Variants in ESRP1 observed in about 807,000 individuals in gnomAD.
ESRP1 encodes the protein epithelial splicing regulatory protein 1.
A neutral mutation model predicts 81.7 loss-of-function variants in ESRP1; 33 were observed. The observed-to-expected ratio is 0.40, with a 90% CI of 0.31 to 0.54. The LOEUF is 0.54. Among genes scored for constraint, ESRP1 ranks in the 20% least tolerant of loss-of-function variants. The probability of loss-of-function intolerance (pLI) is 0.41; values close to 1 mark genes in which losing one functional copy is unlikely to be tolerated. For missense variants in ESRP1, 672 were observed against 833.1 expected, an observed-to-expected ratio of 0.81 and a Z score of 2.38; for synonymous variants, 320 against 303.3, an observed-to-expected ratio of 1.06 and a Z score of -0.57.
chr8:94,663,021 ATTAC>A (rs1229098606), intron 6 of ESRP1, among the ~76,000 whole-genome samples: 2 of 152,162 alleles, frequency 1.3e-5, no homozygotes, highest in African/African-American at 4.8e-5. Flanking sequence ...AGAAGGTTGT[ATTAC>A]TTAGAGCTTG....
chr8:94,695,348 C>CT (rs1177357708), intron 14 of ESRP1, among the ~76,000 whole-genome samples: 19,919 of 61,016 alleles, frequency 0.33, 4,281 homozygotes, highest in South Asian at 0.54. Context: ...CTTTTTCTTT[C>CT]TTTTTTTTTT....
chr8:94,642,279 C>T (rs1388926578), intron 2 of ESRP1, among the ~76,000 whole-genome samples, 195 bp downstream of exon 2: 1 of 152,234 alleles, frequency 6.6e-6, no homozygotes, highest in African/African-American at 2.4e-5. Flanking sequence ...CATCTCCCAG[C>T]CCCCAGGGTT....
chr8:94,693,810 G>A (rs1170309494), intron 14 of ESRP1, among the ~76,000 whole-genome samples: 2 of 152,182 alleles, frequency 1.3e-5, no homozygotes, highest in Admixed American at 1.3e-4. Flanking sequence ...GGAGGACTGT[G>A]ATCTCAGCTA....
At chr8:94,653,701 A>G (rs1042289562) in intron 4 of ESRP1, among the ~76,000 whole-genome samples, 8 of 152,220 alleles carry the variant, frequency 5.3e-5, no homozygotes, top group Admixed American at 5.2e-4. Flanking sequence ...TCTAACAGTG[A>G]AATGAGCTGG....
intron 4 of ESRP1, 115 bp from the exon 5 acceptor site, chr8:94,662,156 TA>T: frequency 1.6e-6 from 1 of 630,838 alleles, no homozygotes; most frequent in Non-Finnish European, 2.7e-6. Context: ...CTGAGATTTC[TA>T]AAGGAAGCTC....
chr8:94,662,832 T>A (rs1478909041), intron 6 of ESRP1, among the ~76,000 whole-genome samples: 1 of 152,146 alleles, frequency 6.6e-6, no homozygotes, highest in Non-Finnish European at 1.5e-5. Flanking sequence ...ATGGTCTCAA[T>A]CTCCTGACCT....
At chr8:94,662,208 A>T in intron 4 of ESRP1, 64 bp from the exon 5 acceptor site, 1 of 1,044,606 alleles carries the variant, frequency 9.6e-7, no homozygotes, top group Non-Finnish European at 1.4e-6. Flanking sequence ...GTATAGGTTT[A>T]ATTTTGATTT....
chr8:94,673,626 C>T (rs1819441958), intron 11 of ESRP1, among the ~76,000 whole-genome samples: 2 of 152,204 alleles, frequency 1.3e-5, no homozygotes, highest in African/African-American at 4.8e-5. Context: ...GGGGTTTTAG[C>T]AAGCTATTAC....
At chr8:94,671,733 A>C in intron 11 of ESRP1, 62 bp downstream of exon 11, 2 of 1,098,198 alleles carry the variant, frequency 1.8e-6, no homozygotes, top group Non-Finnish European at 2.6e-6. Flanking sequence ...AGAAATATCT[A>C]ATATTAGATA....
chr8:94,641,698 C>G (rs1433421078), intron 1 of ESRP1: 2 of 715,074 alleles, frequency 2.8e-6, no homozygotes, highest in Non-Finnish European at 4.3e-6. Context: ...GTTCTTTGCC[C>G]GTCGGGGGAC....
At chr8:94,704,783 A>C (rs1163799946) in intron 15 of ESRP1, among the ~76,000 whole-genome samples, 1 of 151,072 alleles carries the variant, frequency 6.6e-6, no homozygotes, top group Non-Finnish European at 1.5e-5. Context: ...AAAAAAAAAA[A>C]AAAAAAAAAA....
Position 94,641,988 on chromosome 8 carries a change from G to T in ESRP1, c.165G>T (p.Pro55=). 6.2e-7 allele frequency: 1 copy of T among 1,614,000 alleles called. No individual in the cohort carries two copies. The highest frequency in any genetic ancestry group is 1.3e-5 in the African/African-American group (1 of 75,070). ...AGTTGCACGAAGTGCTAGTTAGACC[G>T]GATCAGTTGGAACTGACGGAGGACT... ...VGQLHEVLVR[P]DQLELTEDCK... The change falls in exon 2 of 16, where the codon CCG becomes CCT. Residue 55 remains proline (P), a synonymous_variant. Transcript: ENST00000433389.
intron 3 of ESRP1, among the ~76,000 whole-genome samples, chr8:94,643,855 G>A (rs1274618742): frequency 1.3e-5 from 2 of 152,100 alleles, no homozygotes; most frequent in Non-Finnish European, 2.9e-5. Context: ...ATCCTCATTT[G>A]TGTTGGAAAT....
chr8:94,700,639 T>G (rs1020566346), intron 15 of ESRP1, among the ~76,000 whole-genome samples: 1 of 152,216 alleles, frequency 6.6e-6, no homozygotes, highest in African/African-American at 2.4e-5. Flanking sequence ...TTTAAAAATA[T>G]GTTAAGAGGG....
At position 94,667,962 on chromosome 8, in the gene ESRP1, G is replaced by A. The variant is rs778325703; in HGVS notation, c.945G>A (p.Glu315=). The A allele has an allele frequency of 7.5e-6, 12 of 1,597,786 alleles. No homozygotes were observed. The highest frequency in any genetic ancestry group is 1.7e-4 in the Middle Eastern group (1 of 5,970). The part of the protein sequence containing the change: ...FLKIAGGTSN[E]VAQFLSKENQ... ...TGTTTTCCCTAGGTACTTCCAATGAGGTAGCCCAGTTTCTCTCCAAGGAAA... is the reference window on the plus strand; with the variant it reads ...TGTTTTCCCTAGGTACTTCCAATGAAGTAGCCCAGTTTCTCTCCAAGGAAA... Residue 315 remains glutamate (E), a synonymous_variant, in exon 10 of 16, where the codon GAG becomes GAA. Transcript: ENST00000433389.
At chr8:94,683,007 C>T (rs1169920953) in intron 13 of ESRP1, among the ~76,000 whole-genome samples, 1 of 121,332 alleles carries the variant, frequency 8.2e-6, no homozygotes, top group African/African-American at 3.2e-5. Context: ...TGCAGTGGCA[C>T]AATCTCAGCT....
intron 4 of ESRP1, among the ~76,000 whole-genome samples, chr8:94,650,856 C>T (rs1358671245): frequency 1.3e-5 from 2 of 152,014 alleles, no homozygotes; most frequent in Admixed American, 6.6e-5. Context: ...GGACTACAGG[C>T]GCCCGCCCAT....
intron 4 of ESRP1, among the ~76,000 whole-genome samples, chr8:94,657,081 GTC>G (rs1202083339): frequency 6.6e-6 from 1 of 152,166 alleles, no homozygotes; most frequent in African/African-American, 2.4e-5. Context: ...TATAGACCAA[GTC>G]TCTCTAGACT....
At chr8:94,662,068 C>T (rs374847987) in intron 4 of ESRP1, among the ~76,000 whole-genome samples, 1 of 152,152 alleles carries the variant, frequency 6.6e-6, no homozygotes, top group East Asian at 1.9e-4. Flanking sequence ...TATCTCAGCA[C>T]TGGATTGATT....
Sources: allele counts gnomAD v4.1 joint callset (sites outside exome capture counted in the v4.1 genomes callset), GRCh38; gene constraint gnomAD v4.1.1; transcripts MANE v1.5; gene names NCBI Gene and HGNC (gene_info 2026-07-23, HGNC 2026-07-21).